Variants in DNAH7 observed in about 807,000 individuals in gnomAD.
DNAH7 encodes dynein axonemal heavy chain 7.
In DNAH7, 397 loss-of-function variants were observed where a neutral mutation model predicts 444.6. That is an observed-to-expected ratio of 0.89 (90% CI 0.82 to 0.97). The LOEUF is 0.97. DNAH7 is among the 50% of genes least tolerant of loss of function. DNAH7 has a pLI of 0.00. For synonymous variants in DNAH7, 1,636 were observed against 1,624.4 expected, an observed-to-expected ratio of 1.01 and a Z score of -0.17; for missense variants, 4,902 against 4,800.8, an observed-to-expected ratio of 1.02 and a Z score of -0.62.
chr2:196,068,607 G>A, intron 1 of DNAH7, 90 bp downstream of exon 1: 1 of 1,523,954 alleles, frequency 6.6e-7, no homozygotes, highest in Non-Finnish European at 8.9e-7. Flanking sequence ...CAGCTGGGGA[G>A]TTCGCTAGGC....
chr2:195,989,111 A>G (rs895425166), intron 12 of DNAH7, among the ~76,000 whole-genome samples: 25 of 152,290 alleles, frequency 1.6e-4, no homozygotes, highest in African/African-American at 5.5e-4. Flanking sequence ...AGTCAATTCC[A>G]TATCTTGGTT....
chr2:196,061,144 T>C (rs1698111137), intron 1 of DNAH7, among the ~76,000 whole-genome samples: 1 of 152,168 alleles, frequency 6.6e-6, no homozygotes, highest in South Asian at 2.1e-4. Flanking sequence ...GATATATTTT[T>C]ATGAAGTCTA....
At chr2:195,745,256 T>C (rs1396511682) in intron 63 of DNAH7, among the ~76,000 whole-genome samples, 2 of 151,880 alleles carry the variant, frequency 1.3e-5, no homozygotes, top group Non-Finnish European at 2.9e-5. Context: ...AGGGTATCAG[T>C]GATGGAAGAT....
At chr2:195,755,163 TTA>T (rs1694011370) in intron 62 of DNAH7, among the ~76,000 whole-genome samples, 1 of 152,306 alleles carries the variant, frequency 6.6e-6, no homozygotes, top group Non-Finnish European at 1.5e-5. Context: ...GGTCAGATGG[TTA>T]TGTTTTTCAC....
chr2:196,019,389 A>T, intron 8 of DNAH7, 94 bp from the exon 9 acceptor site: 1 of 1,008,898 alleles, frequency 9.9e-7, no homozygotes, highest in Non-Finnish European at 1.3e-6. Context: ...TTTTAATAAA[A>T]TATGTGCTGT....
intron 23 of DNAH7, 41 bp from the exon 24 acceptor site, chr2:195,922,238 G>T: frequency 8.4e-7 from 1 of 1,187,970 alleles, no homozygotes; most frequent in South Asian, 1.3e-5. Flanking sequence ...CAATAAAATT[G>T]TAAATAATAT....
intron 12 of DNAH7, among the ~76,000 whole-genome samples, chr2:195,989,723 C>T (rs888482543): frequency 7.2e-5 from 11 of 152,084 alleles, no homozygotes; most frequent in Admixed American, 4.6e-4. Context: ...CTGCCCTTGC[C>T]ATAGCAAACA....
At chr2:195,976,649 C>T (rs1004022896) in intron 15 of DNAH7, among the ~76,000 whole-genome samples, 2 of 151,946 alleles carry the variant, frequency 1.3e-5, no homozygotes, top group Non-Finnish European at 2.9e-5. Context: ...TCAGTTCTGA[C>T]CAAGCACAGT....
At chr2:195,768,116 C>G (rs1405676903) in intron 61 of DNAH7, among the ~76,000 whole-genome samples, 2 of 149,622 alleles carry the variant, frequency 1.3e-5, no homozygotes, top group Non-Finnish European at 3.0e-5. Context: ...GGGGTATAAG[C>G]AAGCATTATT....
intron 19 of DNAH7, among the ~76,000 whole-genome samples, chr2:195,942,603 T>C (rs1689532937): frequency 6.6e-6 from 1 of 152,106 alleles, no homozygotes; most frequent in African/African-American, 2.4e-5. Context: ...AATGAAATCA[T>C]TAATATGTCC....
rs1441630251 is a variant in DNAH7, at chr2:195,813,525, T to G, written c.9761+3103A>C. On this transcript the variant is annotated intron_variant, in intron 51 of 64. Transcript: ENST00000312428. ...TAACTTCAGTTAAGCTTATTTCAAG[T>G]TGCAAAACTACCTCCTGTCATACAG... is the stretch of plus-strand genomic sequence containing the variant. Among the ~76,000 whole-genome samples, 3 of 152,204 alleles carry G rather than the reference T, an allele frequency of 2.0e-5. No individual in the cohort carries two copies. In the East Asian group the frequency reaches 5.8e-4, roughly 29 times the overall value.
At chr2:195,779,411 TGC>T (rs1695265927) in intron 58 of DNAH7, among the ~76,000 whole-genome samples, 2 of 152,210 alleles carry the variant, frequency 1.3e-5, no homozygotes, top group African/African-American at 4.8e-5. Flanking sequence ...ATTACCAGTC[TGC>T]TTTTCCAAAA....
chr2:195,836,225 C>T (rs1186713891), intron 47 of DNAH7, among the ~76,000 whole-genome samples: 1 of 152,126 alleles, frequency 6.6e-6, no homozygotes, highest in Non-Finnish European at 1.5e-5. Context: ...CTTTAAAGGA[C>T]CTATGTTCAG....
At chr2:195,847,116 T>G (rs967137290) in intron 46 of DNAH7, among the ~76,000 whole-genome samples, 1 of 147,582 alleles carries the variant, frequency 6.8e-6, no homozygotes, top group Non-Finnish European at 1.5e-5. Context: ...TGGTGGGATA[T>G]CGGATATATA....
intron 46 of DNAH7, among the ~76,000 whole-genome samples, chr2:195,847,718 TC>T (rs1042538731): frequency 3.9e-5 from 6 of 152,198 alleles, no homozygotes; most frequent in African/African-American, 1.4e-4. Context: ...CCAAGTATTT[TC>T]TTTATGTTAC....
chr2:195,852,915 C>CACACAGAG (rs1553537158), intron 46 of DNAH7, among the ~76,000 whole-genome samples: 2 of 84,580 alleles, frequency 2.4e-5, no homozygotes, highest in African/African-American at 6.5e-5. Context: ...CACACACACA[C>CACACAGAG]AGAGAGAGAG....
chr2:196,006,586 A>G (rs969767819), intron 10 of DNAH7, among the ~76,000 whole-genome samples: 2 of 151,884 alleles, frequency 1.3e-5, no homozygotes, highest in Non-Finnish European at 2.9e-5. Context: ...ACATATCCAG[A>G]TAGGAAAGGA....
In DNAH7 at chr2:196,024,423, A is replaced by G; in HGVS notation, c.743+6T>C. The G allele has an allele frequency of 6.4e-7, 1 of 1,563,652 alleles. No homozygotes were observed. The highest frequency in any genetic ancestry group is 8.6e-7 in the Non-Finnish European group (1 of 1,157,834). Reference sequence around the variant, plus strand: ...TCAACATTCTTAGAGAAATCTGATCACTTACTCAGCACGATGGGCTGGAAG... The same window carrying G: ...TCAACATTCTTAGAGAAATCTGATCGCTTACTCAGCACGATGGGCTGGAAG... On this transcript the variant is annotated splice_donor_region_variant and intron_variant, in intron 8 of 64. Coordinates refer to ENST00000312428, the MANE Select transcript of DNAH7 (RefSeq NM_018897.3).
intron 31 of DNAH7, 150 bp from the exon 32 acceptor site, chr2:195,889,131 C>T (rs1459689969): frequency 4.3e-6 from 3 of 697,234 alleles, no homozygotes; most frequent in African/African-American, 3.6e-5. Context: ...ATAAAGATTA[C>T]TATGTGTGTG....
Sources: gnomAD v4.1 joint callset for allele counts (sites outside exome capture counted in the v4.1 genomes callset) on GRCh38, gnomAD v4.1.1 for gene constraint, MANE v1.5 for transcripts, NCBI Gene and HGNC (gene_info 2026-07-23, HGNC 2026-07-21) for gene names.